MAPK10: variants seen among roughly 807,000 people sequenced by gnomAD.
The protein encoded by MAPK10 is mitogen-activated protein kinase 10.
MAPK10 carries 25 observed loss-of-function variants against 59.3 expected under a neutral mutation model. The ratio of observed to expected loss-of-function variants is 0.42; its 90% CI spans 0.31 to 0.59. The LOEUF is 0.59. MAPK10 is among the 20% of genes least tolerant of loss of function. The probability of loss-of-function intolerance (pLI) is 0.15; values close to 1 mark genes in which losing one functional copy is unlikely to be tolerated. For synonymous variants in MAPK10, 190 were observed against 200.5 expected, an observed-to-expected ratio of 0.95 and a Z score of 0.44; for missense variants, 351 against 568.9, an observed-to-expected ratio of 0.62 and a Z score of 3.90.
chr4:86,446,399 T>C (rs1310945528), intron 1 of MAPK10, among the ~76,000 whole-genome samples: 1 of 152,182 alleles, frequency 6.6e-6, no homozygotes, highest in African/African-American at 2.4e-5. Context: ...TTATTTATTT[T>C]TTGAGAGAGT....
At chr4:86,280,786 C>T (rs1003878215) in intron 2 of MAPK10, among the ~76,000 whole-genome samples, 1 of 152,072 alleles carries the variant, frequency 6.6e-6, no homozygotes, top group African/African-American at 2.4e-5. Context: ...AAAATCGTGT[C>T]CTTTGCAGCA....
intron 1 of MAPK10, among the ~76,000 whole-genome samples, chr4:86,577,131 C>T (rs915284775): frequency 6.6e-6 from 1 of 151,866 alleles, no homozygotes; most frequent in Non-Finnish European, 1.5e-5. Flanking sequence ...TAGTGAGAAC[C>T]CCCGCAACCA....
chr4:86,351,271 C>G (rs1050436992), intron 2 of MAPK10, among the ~76,000 whole-genome samples: 4 of 149,778 alleles, frequency 2.7e-5, no homozygotes, highest in African/African-American at 9.8e-5. Context: ...TATATATATA[C>G]ACACACACAC....
intron 1 of MAPK10, among the ~76,000 whole-genome samples, chr4:86,496,748 G>A (rs1198417751): frequency 6.6e-6 from 1 of 152,012 alleles, no homozygotes; most frequent in Non-Finnish European, 1.5e-5. Context: ...TCTATTTTCC[G>A]ATGACAATTA....
At chr4:86,546,019 G>C (rs1759123186) in intron 1 of MAPK10, among the ~76,000 whole-genome samples, 1 of 152,016 alleles carries the variant, frequency 6.6e-6, no homozygotes, top group Admixed American at 6.6e-5. Context: ...GGGAGGCCGA[G>C]GCGGGCGGAC....
In MAPK10 at chr4:86,054,356, A is replaced by G. The variant is rs79737454; in HGVS notation, c.1110+9910T>C. Among the ~76,000 whole-genome samples the G allele has an allele frequency of 4.3e-3, 655 of 152,312 alleles. 29 individuals carry two copies. The East Asian group carries it at 0.1, about 24-fold the overall frequency. ...AACATTTTGACAAGCTCCCACCAAC[A>G]TAATACATGGCATCAAAACAATCCG... is the stretch of plus-strand genomic sequence containing the variant. On this transcript the variant is annotated intron_variant, in intron 11 of 13. Coordinates refer to ENST00000641462, the MANE Select transcript of MAPK10 (RefSeq NM_138982.4).
At chr4:86,241,694 C>T (rs2092731034) in intron 2 of MAPK10, among the ~76,000 whole-genome samples, 3 of 152,006 alleles carry the variant, frequency 2.0e-5, no homozygotes, top group Admixed American at 1.3e-4. Context: ...TTTATGTTCC[C>T]CTCTAAACTG....
chr4:86,107,715 T>A, intron 4 of MAPK10: 1 of 958,130 alleles, frequency 1.0e-6, no homozygotes, highest in South Asian at 4.8e-5. Flanking sequence ...ACTAGCCATG[T>A]GACTATGGCA....
intron 1 of MAPK10, among the ~76,000 whole-genome samples, chr4:86,468,012 C>T (rs1752357878): frequency 6.6e-6 from 1 of 152,190 alleles, no homozygotes; most frequent in African/African-American, 2.4e-5. Context: ...GAACTGCTTG[C>T]CCCGCCGGTC....
chr4:86,025,892 A>G lies in MAPK10; in HGVS notation c.1252+3305T>C, dbSNP rs184321299. On this transcript the variant is annotated intron_variant, in intron 13 of 13. Coordinates refer to ENST00000641462, the MANE Select transcript of MAPK10 (RefSeq NM_138982.4). The stretch of plus-strand genomic sequence containing the variant: ...ACCCCCAATCCCAACAACAACAAAA[A>G]AATATGGTAGACACAGAATTAGAAA... Among the ~76,000 whole-genome samples the G allele has an allele frequency of 1.9e-3, 293 of 152,318 alleles. 2 individuals carry two copies. The highest frequency in any genetic ancestry group is 5.4e-4 in the Non-Finnish European group (37 of 68,028).
intron 1 of MAPK10, among the ~76,000 whole-genome samples, chr4:86,563,888 G>C (rs1760867756): frequency 6.6e-6 from 1 of 152,182 alleles, no homozygotes; most frequent in East Asian, 1.9e-4. Flanking sequence ...CTGGAGTACA[G>C]TGGTGTGATC....
At chr4:86,097,525 C>T (rs1293234647) in intron 9 of MAPK10, among the ~76,000 whole-genome samples, 1 of 151,954 alleles carries the variant, frequency 6.6e-6, no homozygotes, top group Non-Finnish European at 1.5e-5. Flanking sequence ...TTATGGGTCA[C>T]ATGGTTATTG....
intron 3 of MAPK10, chr4:86,160,507 A>G (rs1458806341): frequency 1.3e-5 from 2 of 151,998 alleles, no homozygotes; most frequent in African/African-American, 2.4e-5. Context: ...GGTGGTTTTG[A>G]CCCATTTGGG....
intron 1 of MAPK10, among the ~76,000 whole-genome samples, chr4:86,468,020 G>C (rs1752359741): frequency 6.6e-6 from 1 of 152,170 alleles, no homozygotes; most frequent in South Asian, 2.1e-4. Flanking sequence ...TGCCCCGCCG[G>C]TCGGCCAGAA....
intron 1 of MAPK10, among the ~76,000 whole-genome samples, chr4:86,504,291 T>C (rs1352377020): frequency 6.6e-6 from 1 of 152,138 alleles, no homozygotes; most frequent in Admixed American, 6.6e-5. Context: ...TCTCACAGAA[T>C]GAACCTCTCT....
At chr4:86,490,388 T>G (rs934109215) in intron 1 of MAPK10, among the ~76,000 whole-genome samples, 3 of 152,210 alleles carry the variant, frequency 2.0e-5, no homozygotes, top group African/African-American at 7.2e-5. Context: ...GGCATCCTGG[T>G]TGACTCTGTA....
At chr4:86,288,498 CT>C (rs1327803355) in intron 2 of MAPK10, among the ~76,000 whole-genome samples, 2 of 152,024 alleles carry the variant, frequency 1.3e-5, no homozygotes, top group Non-Finnish European at 2.9e-5. Context: ...CAGAGATGGG[CT>C]GTATTGTATC....
At chr4:86,541,659 G>T (rs1490874693) in intron 1 of MAPK10, among the ~76,000 whole-genome samples, 2 of 152,122 alleles carry the variant, frequency 1.3e-5, no homozygotes, top group Admixed American at 1.3e-4. Context: ...ATATGATTGT[G>T]AATTTCAAAG....
intron 1 of MAPK10, among the ~76,000 whole-genome samples, chr4:86,436,388 T>C (rs755613953): frequency 2.6e-5 from 4 of 152,172 alleles, no homozygotes; most frequent in Non-Finnish European, 4.4e-5. Context: ...AGCATAATGA[T>C]AGCAAAAGAA....
Sources: allele counts gnomAD v4.1 joint callset (sites outside exome capture counted in the v4.1 genomes callset), GRCh38; gene constraint gnomAD v4.1.1; transcripts MANE v1.5; gene names NCBI Gene and HGNC (gene_info 2026-07-23, HGNC 2026-07-21).